STX7: variants seen among roughly 807,000 people sequenced by gnomAD.
STX7 encodes the protein syntaxin 7.
STX7 carries 34 observed loss-of-function variants against 39.6 expected under a neutral mutation model. That is an observed-to-expected ratio of 0.86 (90% CI 0.65 to 1.14). The LOEUF is 1.14. Ranked by LOEUF, STX7 falls within the 50% of genes most tolerant of loss-of-function variation. The pLI is 0.00. For synonymous variants in STX7, 119 were observed against 99.1 expected (o/e 1.20, Z -1.19); for missense variants, 284 against 310.4 (o/e 0.92, Z 0.64).
intron 8 of STX7, among the ~76,000 whole-genome samples, chr6:132,466,983 C>T (rs1232588588): frequency 1.3e-5 from 2 of 152,136 alleles, no homozygotes. Context: ...AACTTCTCAC[C>T]ATCCCTCTAG....
intron 2 of STX7, among the ~76,000 whole-genome samples, chr6:132,485,748 A>G (rs1340674865): frequency 6.6e-6 from 1 of 152,176 alleles, no homozygotes; most frequent in Non-Finnish European, 1.5e-5. Flanking sequence ...TATTTTCCTA[A>G]TAACTAATGA....
chr6:132,472,615 C>T (rs185409268), intron 3 of STX7, among the ~76,000 whole-genome samples: 194 of 152,270 alleles, frequency 1.3e-3, no homozygotes, highest in African/African-American at 4.5e-3. Flanking sequence ...ATCAATTCAA[C>T]GGCCATTTAG....
At chr6:132,512,683 T>A (rs1217248053) in intron 1 of STX7, among the ~76,000 whole-genome samples, 1 of 152,084 alleles carries the variant, frequency 6.6e-6, no homozygotes, top group Non-Finnish European at 1.5e-5. Context: ...CTCCCCGGGG[T>A]GCGCTCCGCC....
At chr6:132,460,987 T>C in intron 9 of STX7, 137 bp from the exon 10 acceptor site, 1 of 641,252 alleles carries the variant, frequency 1.6e-6, no homozygotes, top group Non-Finnish European at 2.6e-6. Context: ...AATTTTTGAC[T>C]GTGTTTTTTT....
At chr6:132,463,058 C>CA (rs1405851731) in intron 9 of STX7, among the ~76,000 whole-genome samples, 1 of 151,852 alleles carries the variant, frequency 6.6e-6, no homozygotes, top group African/African-American at 2.4e-5. Flanking sequence ...TCTATCTCTA[C>CA]AAAAAATACA....
chr6:132,505,218 C>T (rs1298515370), intron 1 of STX7, among the ~76,000 whole-genome samples: 1 of 152,170 alleles, frequency 6.6e-6, no homozygotes, highest in East Asian at 1.9e-4. Context: ...GAGATTCAGT[C>T]CCAGGGTTCT....
At chr6:132,472,866 G>A (rs562672805) in intron 3 of STX7, among the ~76,000 whole-genome samples, 2 of 89,198 alleles carry the variant, frequency 2.2e-5, no homozygotes, top group South Asian at 1.1e-3. Context: ...AAAAAAAGGC[G>A]GGGGGGAGGG....
Position 132,453,142 on chromosome 6 carries a change from C to CA in STX7, c.*7615dup, listed in dbSNP as rs1774168435. 6.6e-6 allele frequency: 1 copy of CA among 151,942 alleles called. No individual in the cohort carries two copies. The highest frequency in any genetic ancestry group is 1.5e-5 in the Non-Finnish European group (1 of 67,898). 9.4% of individuals were successfully genotyped at this position (151,942 alleles called of 1,614,324 possible). A position where few individuals can be genotyped will look rare whatever the true frequency, so the allele number is the denominator to read the frequency against. ...AGAGGTGCAAAAACAATTCAATGGA[C>CA]AAAAAAGAGCCTTTTCGACAAATAT... is the stretch of plus-strand genomic sequence containing the variant. On this transcript the variant is annotated 3_prime_UTR_variant, in exon 10 of 10. Coordinates refer to ENST00000367941, the MANE Select transcript of STX7 (RefSeq NM_003569.3).
At chr6:132,471,868 T>A (rs1314678119) in intron 4 of STX7, among the ~76,000 whole-genome samples, 1 of 152,218 alleles carries the variant, frequency 6.6e-6, no homozygotes, top group Non-Finnish European at 1.5e-5. Flanking sequence ...TTTAAAGTAA[T>A]TCTTTTTCAG....
intron 3 of STX7, 191 bp downstream of exon 3, chr6:132,475,402 C>G (rs921088007): frequency 2.7e-6 from 1 of 367,552 alleles, no homozygotes; most frequent in Non-Finnish European, 4.8e-6. Context: ...TATAAAAACA[C>G]CTGCCTACTC....
intron 1 of STX7, among the ~76,000 whole-genome samples, chr6:132,511,429 G>A (rs1192775290): frequency 3.9e-5 from 6 of 152,136 alleles, no homozygotes; most frequent in Non-Finnish European, 5.9e-5. Context: ...CTCACCACTG[G>A]TCACTCTTTG....
chr6:132,505,755 A>AG (rs1169387541), intron 1 of STX7, among the ~76,000 whole-genome samples: 2 of 149,802 alleles, frequency 1.3e-5, no homozygotes, highest in Non-Finnish European at 1.5e-5. Flanking sequence ...AAAAAAAAAA[A>AG]AAAAAAAAAC....
chr6:132,481,852 C>G (rs6921065), intron 2 of STX7, among the ~76,000 whole-genome samples: 3,546 of 152,248 alleles, frequency 0.023, 128 homozygotes, highest in African/African-American at 0.08. Flanking sequence ...GGAGGACAAT[C>G]CAAAAAGCTG....
chr6:132,499,931 A>G (rs1319420812), intron 2 of STX7, among the ~76,000 whole-genome samples: 1 of 152,100 alleles, frequency 6.6e-6, no homozygotes, highest in Non-Finnish European at 1.5e-5. Flanking sequence ...CACACTTGCC[A>G]CCACCTAGTC....
At chr6:132,497,598 T>A (rs1775448617) in intron 2 of STX7, among the ~76,000 whole-genome samples, 1 of 152,196 alleles carries the variant, frequency 6.6e-6, no homozygotes, top group Non-Finnish European at 1.5e-5. Flanking sequence ...TGTGATGTAT[T>A]TTGATATATT....
chr6:132,503,499 G>A lies in STX7; in HGVS notation c.32C>T (p.Pro11Leu), dbSNP rs369562473. Residue 11 changes from proline to leucine, a missense_variant, in exon 2 of 10, where the codon CCC becomes CTC. Physicochemically the swap from Pro to Leu is moderately conservative, Grantham distance 98. Transcript: ENST00000367941. MSYTPGVGGDPAQLAQRISSN... is the reference protein window; with the variant it reads MSYTPGVGGDLAQLAQRISSN... ...AGAGATCCTCTGGGCCAACTGGGCGGGGTCACCACCAACTCCTGGAGTGTA... is the reference window on the plus strand; with the variant it reads ...AGAGATCCTCTGGGCCAACTGGGCGAGGTCACCACCAACTCCTGGAGTGTA... 3.1e-6 allele frequency: 5 copies of A among 1,613,896 alleles called. No homozygotes were observed. The African/African-American group carries it at 5.3e-5, about 17-fold the overall frequency.
rs1439681337 is a variant in STX7, at chr6:132,447,609, C to T, written c.*13149G>A. The T allele has an allele frequency of 1.3e-5, 2 of 151,960 alleles. No homozygotes were observed. Among genetic ancestry groups the T allele is most frequent in the African/African-American group, 2.4e-5 (1 of 41,388 alleles). The allele number at this position is 151,960 out of a possible 1,614,324, so 9.4% of individuals were successfully genotyped here. On this transcript the variant is annotated 3_prime_UTR_variant, in exon 10 of 10. Coordinates refer to ENST00000367941, the MANE Select transcript of STX7 (RefSeq NM_003569.3). Reference sequence around the variant, plus strand: ...TTTACTTTAATAACTTTGTTTAGAACTGTTATACCTACTTCAGTTGAAATT... The same window carrying T: ...TTTACTTTAATAACTTTGTTTAGAATTGTTATACCTACTTCAGTTGAAATT...
chr6:132,470,038 T>C lies in STX7; in HGVS notation c.450A>G (p.Gln150=), dbSNP rs754300444. 6.3e-7 allele frequency: 1 copy of C among 1,581,306 alleles called. No individual in the cohort carries two copies. The highest frequency in any genetic ancestry group is 1.9e-5 in the Admixed American group (1 of 51,668). Residue 150 remains glutamine (Q), a synonymous_variant, in exon 7 of 10, where the codon CAA becomes CAG. Transcript: ENST00000367941. ...RNLVSWESQT[Q]PQVQVQDEEI... is the part of the protein sequence containing the mutation. ...CTTCATCCTGCACCTGCACTTGAGG[T>C]TGAGTTTGGCTAACAGAAAAAAATG...
At chr6:132,507,757 T>A (rs74735512) in intron 1 of STX7, among the ~76,000 whole-genome samples, 5,602 of 152,302 alleles carry the variant, frequency 0.037, 211 homozygotes, top group African/African-American at 0.091. Context: ...TTTCCCTCTA[T>A]CAAGTAGATC....
Sources: gnomAD v4.1 joint callset for allele counts (sites outside exome capture counted in the v4.1 genomes callset) on GRCh38, gnomAD v4.1.1 for gene constraint, MANE v1.5 for transcripts, NCBI Gene and HGNC (gene_info 2026-07-23, HGNC 2026-07-21) for gene names.